ATP6V1C2: variants seen among roughly 807,000 people sequenced by gnomAD.
ATP6V1C2 encodes V-type proton ATPase subunit C 2.
A neutral mutation model predicts 56.8 loss-of-function variants in ATP6V1C2; 45 were observed. That is an observed-to-expected ratio of 0.79 (90% confidence interval 0.62 to 1.02). The LOEUF is 1.02. Ranked by LOEUF, ATP6V1C2 falls within the 50% of genes least tolerant of loss-of-function variation. The probability of loss-of-function intolerance (pLI) is 0.00; values close to 1 mark genes in which losing one functional copy is unlikely to be tolerated. For synonymous variants in ATP6V1C2, 220 were observed against 201.3 expected, an observed-to-expected ratio of 1.09 and a Z score of -0.79; for missense variants, 463 against 519.7, an observed-to-expected ratio of 0.89 and a Z score of 1.06.
In ATP6V1C2 at chr2:10,777,569, A is replaced by C. The variant is rs937170304; in HGVS notation, c.826-16A>C. 1.2e-6 allele frequency: 2 copies of C among 1,602,204 alleles called. No individual in the cohort carries two copies. The highest frequency in any genetic ancestry group is 1.7e-6 in the Non-Finnish European group (2 of 1,176,866). On this transcript the variant is annotated splice_polypyrimidine_tract_variant and intron_variant, in intron 10 of 13. Transcript: ENST00000272238. ...ATGTTTGCTGAAAGATTAATAAATC[A>C]TTTCTGTGCCTTTAGCAAACTTCCT...
intron 3 of ATP6V1C2, among the ~76,000 whole-genome samples, chr2:10,741,980 G>A (rs547940422): frequency 1.1e-4 from 16 of 151,836 alleles, no homozygotes; most frequent in Non-Finnish European, 2.1e-4. Context: ...GCATGATCTT[G>A]GCTCGCTGCA....
intron 2 of ATP6V1C2, among the ~76,000 whole-genome samples, chr2:10,725,180 G>A (rs1661572401): frequency 6.6e-6 from 1 of 151,842 alleles, no homozygotes; most frequent in East Asian, 2.0e-4. Context: ...TTGGGAGGTC[G>A]AAGTGGGAAG....
chr2:10,729,138 A>T (rs533767475), intron 3 of ATP6V1C2, among the ~76,000 whole-genome samples: 4 of 151,930 alleles, frequency 2.6e-5, no homozygotes, highest in Non-Finnish European at 5.9e-5. Context: ...AAAAAAAAAA[A>T]ATATTACAAA....
intron 7 of ATP6V1C2, 106 bp from the exon 8 acceptor site, chr2:10,772,436 C>T: frequency 1.0e-6 from 1 of 956,350 alleles, no homozygotes; most frequent in South Asian, 1.3e-5. Context: ...CCCATCCCTG[C>T]TCACCTTCAG....
intron 2 of ATP6V1C2, among the ~76,000 whole-genome samples, chr2:10,723,728 A>G (rs952200810): frequency 2.0e-5 from 3 of 150,786 alleles, no homozygotes; most frequent in Non-Finnish European, 4.4e-5. Context: ...AGTCCTAGCT[A>G]CTCGGGAGGC....
rs897678579 is a variant in ATP6V1C2 at position 10,783,785 on chromosome 2, A to ATCACT, written c.*526_*530dup. On this transcript the variant is annotated 3_prime_UTR_variant, in exon 14 of 14. Coordinates refer to ENST00000272238, the MANE Select transcript of ATP6V1C2 (RefSeq NM_001039362.2). ...TTGTGGGGAGGAAAGACATCTGTGTATCACTTCAAAATATTGATTTACTGC... is the reference window on the plus strand; with the variant it reads ...TTGTGGGGAGGAAAGACATCTGTGTATCACTTCACTTCAAAATATTGATTTACTGC... 16 of 157,562 alleles carry ATCACT rather than the reference A, an allele frequency of 1.0e-4. No individual in the cohort carries two copies. Among genetic ancestry groups the ATCACT allele is most frequent in the Non-Finnish European group, 2.2e-4 (16 of 71,370 alleles). 9.8% of individuals were successfully genotyped at this position (157,562 alleles called of 1,614,324 possible). A position where few individuals can be genotyped will look rare whatever the true frequency, so the allele number is the denominator to read the frequency against.
Position 10,783,368 on chromosome 2 carries a change from T to C in ATP6V1C2, c.*105T>C. ...AATGTCTTACAGAACTAAGATCTTT[T>C]TCAGAGAAATTGCTCACAAAAGTTA... On this transcript the variant is annotated 3_prime_UTR_variant, in exon 14 of 14. Transcript: ENST00000272238. The C allele has an allele frequency of 3.0e-6, 2 of 667,700 alleles. No individual in the cohort carries two copies. The highest frequency in any genetic ancestry group is 4.9e-6 in the Non-Finnish European group (2 of 405,682). The allele number at this position is 667,700 out of a possible 1,614,324, so 41.4% of individuals were successfully genotyped here. A position where few individuals can be genotyped will look rare whatever the true frequency, so the allele number is the denominator to read the frequency against.
rs377579199 is a variant in ATP6V1C2, at chr2:10,777,628, C to T, written c.869C>T (p.Pro290Leu). ...VALKKGSSTF[P>L]DHKVKVTPLG... is the part of the protein sequence containing the mutation. ...CTTAAAAAGGGATCATCCACCTTCC[C>T]GGACCACAAGGTTAAGGTAACCCCG... The change falls in exon 11 of 14, where the codon CCG becomes CTG. Residue 290 changes from proline to leucine, a missense_variant. Pro to Leu is a moderately conservative substitution (Grantham distance 98, BLOSUM62 -3). Coordinates refer to ENST00000272238, the MANE Select transcript of ATP6V1C2 (RefSeq NM_001039362.2). 1.2e-5 allele frequency: 19 copies of T among 1,613,954 alleles called. No homozygotes were observed. Among genetic ancestry groups the T allele is most frequent in the African/African-American group, 6.7e-5 (5 of 74,900 alleles).
At chr2:10,725,422 A>G (rs1572493488) in intron 2 of ATP6V1C2, among the ~76,000 whole-genome samples, 1 of 152,010 alleles carries the variant, frequency 6.6e-6, no homozygotes, top group East Asian at 1.9e-4. Flanking sequence ...AGTTCTCTGA[A>G]AAGAAAAGGA....
chr2:10,743,814 A>G (rs978214630), intron 3 of ATP6V1C2, among the ~76,000 whole-genome samples: 2 of 151,760 alleles, frequency 1.3e-5, no homozygotes, highest in Non-Finnish European at 2.9e-5. Flanking sequence ...GTGAAACCCC[A>G]TCTTTACTAA....
At chr2:10,733,797 C>CCATTGCTTGCCCCTAAGTGCTTCCCCTGT (rs1558389020) in intron 3 of ATP6V1C2, among the ~76,000 whole-genome samples, 9 of 73,256 alleles carry the variant, frequency 1.2e-4, no homozygotes, top group African/African-American at 8.6e-4. Flanking sequence ...TGCTTGGTGA[C>CCATTGCTTGCCCCTAAGTGCTTCCCCTGT]CGTTGCTTGC....
chr2:10,725,868 T>A (rs937299990), intron 2 of ATP6V1C2, among the ~76,000 whole-genome samples: 1 of 151,538 alleles, frequency 6.6e-6, no homozygotes, highest in Non-Finnish European at 1.5e-5. Context: ...TCACCTGAAG[T>A]CGGGAGTTCG....
chr2:10,751,561 G>T (rs1429879153), intron 3 of ATP6V1C2, among the ~76,000 whole-genome samples: 1 of 152,146 alleles, frequency 6.6e-6, no homozygotes, highest in African/African-American at 2.4e-5. Context: ...TTAATCCCAG[G>T]ATGGGCTACA....
intron 6 of ATP6V1C2, 55 bp from the exon 7 acceptor site, chr2:10,771,784 A>T: frequency 7.1e-7 from 1 of 1,401,422 alleles, no homozygotes; most frequent in Non-Finnish European, 1.0e-6. Context: ...GTGTGGGGTC[A>T]CTGTGTCCCT....
At chr2:10,749,042 A>T (rs1401435758) in intron 3 of ATP6V1C2, among the ~76,000 whole-genome samples, 2 of 151,566 alleles carry the variant, frequency 1.3e-5, no homozygotes, top group East Asian at 3.9e-4. Flanking sequence ...AGGCAGGAGA[A>T]TCACTTGAAC....
chr2:10,767,119 C>T (rs553272724), intron 5 of ATP6V1C2, among the ~76,000 whole-genome samples: 1 of 148,424 alleles, frequency 6.7e-6, no homozygotes, highest in Non-Finnish European at 1.5e-5. Flanking sequence ...TTAAAATCAT[C>T]ACTTTATCTT....
At chr2:10,731,133 G>C (rs1335722347) in intron 3 of ATP6V1C2, among the ~76,000 whole-genome samples, 1 of 151,898 alleles carries the variant, frequency 6.6e-6, no homozygotes, top group African/African-American at 2.4e-5. Flanking sequence ...ATTTTTTGTA[G>C]AGACAAGGTC....
At chr2:10,759,636 G>A (rs910399890) in intron 4 of ATP6V1C2, among the ~76,000 whole-genome samples, 1 of 152,156 alleles carries the variant, frequency 6.6e-6, no homozygotes, top group African/African-American at 2.4e-5. Flanking sequence ...GGGAGGCAAG[G>A]CCTGTGTGTT....
Position 10,764,237 on chromosome 2 carries a change from G to A in ATP6V1C2, c.284-94G>A, listed in dbSNP as rs575025565. On this transcript the variant is annotated intron_variant, in intron 4 of 13. Coordinates refer to ENST00000272238, the MANE Select transcript of ATP6V1C2 (RefSeq NM_001039362.2). ...GGCGTTGCCCATGATGGCTGCCTTC[G>A]TGTCCACGCTGATGCTTGGCTTGGG... The A allele has an allele frequency of 4.4e-5, 50 of 1,133,366 alleles. 1 individual carries two copies. Among genetic ancestry groups the A allele is most frequent in the East Asian group, 3.9e-4 (16 of 41,556 alleles). 70.2% of individuals were successfully genotyped at this position (1,133,366 alleles called of 1,614,324 possible).
Sources: allele counts gnomAD v4.1 joint callset (sites outside exome capture counted in the v4.1 genomes callset), GRCh38; gene constraint gnomAD v4.1.1; transcripts MANE v1.5; gene names NCBI Gene and HGNC (gene_info 2026-07-23, HGNC 2026-07-21).